The following KIF6 variants were observed in gnomAD, a reference collection of about 807,000 sequenced individuals.
KIF6 encodes kinesin-like protein KIF6.
Under a neutral mutation model 112.7 loss-of-function variants are expected in KIF6, and 106 were observed. That is an observed-to-expected ratio of 0.94 (90% CI 0.80 to 1.11). The LOEUF (loss-of-function observed/expected upper bound fraction) is 1.11, where lower values mean the gene tolerates loss of function less well. Among genes scored for constraint, KIF6 ranks in the 50% least tolerant of loss-of-function variants. The pLI is 0.00. For synonymous variants in KIF6, 339 were observed against 339.9 expected, an observed-to-expected ratio of 1.00 and a Z score of 0.03; for missense variants, 929 against 964.0, an observed-to-expected ratio of 0.96 and a Z score of 0.48.
intron 16 of KIF6, among the ~76,000 whole-genome samples, chr6:39,365,821 A>C (rs1056992179): frequency 2.6e-4 from 40 of 152,296 alleles, no homozygotes; most frequent in African/African-American, 9.4e-4. Context: ...AGACTGCTGG[A>C]GGCGGGCGGA....
chr6:39,561,441 T>G (rs113241562), intron 10 of KIF6, among the ~76,000 whole-genome samples: 242 of 151,972 alleles, frequency 1.6e-3, no homozygotes, highest in African/African-American at 5.6e-3. Flanking sequence ...AACCTCCGCC[T>G]TCTGGGTTCA....
chr6:39,482,060 AG>A (rs1774837222), intron 13 of KIF6, among the ~76,000 whole-genome samples: 1 of 151,276 alleles, frequency 6.6e-6, no homozygotes, highest in African/African-American at 2.4e-5. Context: ...GACCCGTGGG[AG>A]GCAGCAATAT....
chr6:39,619,915 C>T (rs1783723439), intron 5 of KIF6, among the ~76,000 whole-genome samples: 2 of 151,978 alleles, frequency 1.3e-5, no homozygotes, highest in Admixed American at 6.6e-5. Context: ...ATAAGAATAT[C>T]TTTCTGTATT....
intron 6 of KIF6, among the ~76,000 whole-genome samples, chr6:39,608,353 C>T (rs533589932): frequency 4.2e-4 from 64 of 152,272 alleles, no homozygotes; most frequent in African/African-American, 1.4e-3. Flanking sequence ...CTTCAACGTG[C>T]GCAGAACACT....
At chr6:39,473,776 C>T (rs528756273) in intron 13 of KIF6, among the ~76,000 whole-genome samples, 2 of 152,212 alleles carry the variant, frequency 1.3e-5, no homozygotes, top group East Asian at 3.9e-4. Context: ...AGAGAGCAGG[C>T]TTAGAACACT....
At chr6:39,684,073 C>A (rs992865251) in intron 3 of KIF6, among the ~76,000 whole-genome samples, 1 of 152,196 alleles carries the variant, frequency 6.6e-6, no homozygotes, top group African/African-American at 2.4e-5. Flanking sequence ...TCCAAGGAAG[C>A]CTGGATTGTG....
chr6:39,380,021 C>T (rs1766785403), intron 16 of KIF6, among the ~76,000 whole-genome samples: 1 of 152,324 alleles, frequency 6.6e-6, no homozygotes, highest in Non-Finnish European at 1.5e-5. Context: ...GTAAAGTACT[C>T]AAGAAACATT....
chr6:39,698,057 A>G (rs1788661236), intron 3 of KIF6, among the ~76,000 whole-genome samples: 1 of 152,238 alleles, frequency 6.6e-6, no homozygotes, highest in Admixed American at 6.5e-5. Flanking sequence ...CATCTAATAT[A>G]GATATGAGAC....
chr6:39,549,556 T>C (rs894452487), intron 10 of KIF6, among the ~76,000 whole-genome samples: 25 of 152,168 alleles, frequency 1.6e-4, no homozygotes, highest in African/African-American at 5.8e-4. Flanking sequence ...ACAAAGTTAC[T>C]CAAAGTATTT....
intron 13 of KIF6, among the ~76,000 whole-genome samples, chr6:39,494,189 G>A (rs956239030): frequency 6.6e-6 from 1 of 152,144 alleles, no homozygotes; most frequent in African/African-American, 2.4e-5. Context: ...TATCTGATGA[G>A]TGACTCTGGT....
intron 13 of KIF6, among the ~76,000 whole-genome samples, chr6:39,534,080 A>C (rs1292379532): frequency 2.0e-5 from 3 of 152,198 alleles, no homozygotes; most frequent in Admixed American, 2.0e-4. Flanking sequence ...ATCATCAAAG[A>C]CCAAAAGTAG....
chr6:39,665,456 A>G, intron 3 of KIF6, among the ~76,000 whole-genome samples: 1 of 152,204 alleles, frequency 6.6e-6, no homozygotes, highest in East Asian at 1.9e-4. Context: ...TCTCAACACA[A>G]TTTATAACTC....
chr6:39,509,811 G>A (rs1776658370), intron 13 of KIF6, among the ~76,000 whole-genome samples: 1 of 152,152 alleles, frequency 6.6e-6, no homozygotes, highest in African/African-American at 2.4e-5. Context: ...CACTCTTCAG[G>A]ATATTATCCA....
chr6:39,617,827 G>A (rs551132695), intron 5 of KIF6: 1 of 442,204 alleles, frequency 2.3e-6, no homozygotes, highest in African/African-American at 2.0e-5. Flanking sequence ...GGGTGCACCA[G>A]GCTCTTCTAA....
intron 3 of KIF6, among the ~76,000 whole-genome samples, chr6:39,684,548 G>A (rs575967003): frequency 2.6e-4 from 40 of 151,678 alleles, no homozygotes; most frequent in Non-Finnish European, 3.7e-4. Flanking sequence ...CCCGGGAGGC[G>A]GAGTTTGCAG....
intron 16 of KIF6, among the ~76,000 whole-genome samples, chr6:39,381,580 G>A (rs1349413428): frequency 1.3e-5 from 2 of 152,116 alleles, no homozygotes; most frequent in Non-Finnish European, 2.9e-5. Context: ...GAGAGTTAAG[G>A]TTCTATAAGC....
intron 16 of KIF6, among the ~76,000 whole-genome samples, chr6:39,363,201 A>C (rs1004348058): frequency 3.3e-5 from 5 of 152,144 alleles, no homozygotes; most frequent in Non-Finnish European, 7.3e-5. Flanking sequence ...CCCTTCACAA[A>C]AAAAGGAAAC....
intron 10 of KIF6, among the ~76,000 whole-genome samples, chr6:39,553,590 G>A (rs1779515785): frequency 6.6e-6 from 1 of 152,186 alleles, no homozygotes; most frequent in Non-Finnish European, 1.5e-5. Flanking sequence ...CAACTTTAAA[G>A]ACAGTAGGGC....
chr6:39,619,717 C>T (rs1783711673), intron 5 of KIF6, among the ~76,000 whole-genome samples: 1 of 152,174 alleles, frequency 6.6e-6, no homozygotes, highest in Non-Finnish European at 1.5e-5. Context: ...TAGAACCATA[C>T]TAGGTGCAAT....
Sources: gnomAD v4.1 joint callset for allele counts (sites outside exome capture counted in the v4.1 genomes callset) on GRCh38, gnomAD v4.1.1 for gene constraint, MANE v1.5 for transcripts, NCBI Gene and HGNC (gene_info 2026-07-23, HGNC 2026-07-21) for gene names.